Variants in CNGA3 observed in about 807,000 individuals in gnomAD.
The protein encoded by CNGA3 is cyclic nucleotide gated channel subunit alpha 3, also known as cyclic nucleotide-gated channel alpha-3.
CNGA3 carries 42 observed loss-of-function variants against 46.6 expected under a neutral mutation model. That is an observed-to-expected ratio of 0.90 (90% CI 0.70 to 1.17). The LOEUF (loss-of-function observed/expected upper bound fraction) is 1.17. Ranked by LOEUF, CNGA3 falls within the 50% of genes most tolerant of loss-of-function variation. The probability of loss-of-function intolerance (pLI) is 0.00; values close to 1 mark genes in which losing one functional copy is unlikely to be tolerated. For synonymous variants in CNGA3, 394 were observed against 369.4 expected (o/e 1.07, Z -0.76); for missense variants, 893 against 890.7 (o/e 1.00, Z -0.03).
At chr2:98,354,432 C>A (rs991718125) in intron 1 of CNGA3, among the ~76,000 whole-genome samples, 5 of 149,300 alleles carry the variant, frequency 3.3e-5, no homozygotes, top group South Asian at 4.2e-4. Flanking sequence ...CCTTTGCCTG[C>A]TTTTTAATTG....
intron 1 of CNGA3, among the ~76,000 whole-genome samples, chr2:98,346,757 A>T (rs969867260): frequency 1.3e-5 from 2 of 151,554 alleles, no homozygotes; most frequent in Non-Finnish European, 2.9e-5. Context: ...CTCGGCTCCC[A>T]CTCCCCGGCT....
chr2:98,396,831 A>G lies in CNGA3; in HGVS notation c.1661A>G (p.Asn554Ser), dbSNP rs769473325. 1 of 1,614,166 alleles carries G rather than the reference A, an allele frequency of 6.2e-7. No homozygotes were observed. Among genetic ancestry groups the G allele is most frequent in the Non-Finnish European group, 8.5e-7 (1 of 1,180,030 alleles). Residue 554 changes from asparagine (N) to serine (S), a missense_variant, in exon 8 of 8, where the codon AAC (asparagine) becomes AGC (serine). Physicochemically the swap from Asn to Ser is conservative, Grantham distance 46 (BLOSUM62 1). This residue lies in a region of CNGA3 where 548 missense variants were observed against 570.8 expected (regional missense o/e 0.96). Transcript: ENST00000272602. ...TACTTCGGGGAGATCAGCATTCTGA[A>G]CATCAAGGGGAGCAAGTCGGGGAAC... ...GSYFGEISIL[N>S]IKGSKSGNRR... is the part of the protein sequence containing the mutation.
At chr2:98,387,346 T>C (rs1692675910) in intron 5 of CNGA3, among the ~76,000 whole-genome samples, 1 of 152,138 alleles carries the variant, frequency 6.6e-6, no homozygotes, top group Admixed American at 6.5e-5. Context: ...TTTCAATGAG[T>C]GTTTAATTAG....
chr2:98,355,478 T>C (rs1272501056), intron 1 of CNGA3, among the ~76,000 whole-genome samples: 1 of 152,194 alleles, frequency 6.6e-6, no homozygotes, highest in Non-Finnish European at 1.5e-5. Flanking sequence ...TGAAGGACTT[T>C]TAATAATCAA....
chr2:98,380,611 C>T (rs1027539339), intron 4 of CNGA3, among the ~76,000 whole-genome samples: 2 of 152,136 alleles, frequency 1.3e-5, no homozygotes, highest in Non-Finnish European at 2.9e-5. Context: ...TCACCTTATC[C>T]TACACAGGGG....
In CNGA3 at chr2:98,398,442, C is replaced by T. The variant is rs1326796743; in HGVS notation, c.*1187C>T. ...GTCTTTCTTCTTTCTTTCCTTTTTC[C>T]TTTCTTCTTCCTTTCCTTTTTTCTT... is the stretch of plus-strand genomic sequence containing the variant. On this transcript the variant is annotated 3_prime_UTR_variant, in exon 8 of 8. Transcript: ENST00000272602. 1.3e-5 allele frequency: 2 copies of T among 151,834 alleles called. No homozygotes were observed. Among genetic ancestry groups the T allele is most frequent in the East Asian group, 3.8e-4 (2 of 5,198 alleles). 9.4% of individuals were successfully genotyped at this position (151,834 alleles called of 1,614,324 possible). A position where few individuals can be genotyped will look rare whatever the true frequency, so the allele number is the denominator to read the frequency against.
At chr2:98,369,082 G>A (rs1466160030) in intron 1 of CNGA3, among the ~76,000 whole-genome samples, 2 of 152,190 alleles carry the variant, frequency 1.3e-5, no homozygotes, top group East Asian at 3.8e-4. Flanking sequence ...TGGCTGTTGG[G>A]CTTTTAGTTG....
At chr2:98,392,005 GC>G in intron 7 of CNGA3, 35 bp downstream of exon 7, 1 of 1,578,834 alleles carries the variant, frequency 6.3e-7, no homozygotes. Context: ...GGGGACCATG[GC>G]CCCCACGGGA....
At chr2:98,385,164 C>G (rs1006726192) in intron 5 of CNGA3, among the ~76,000 whole-genome samples, 2 of 152,106 alleles carry the variant, frequency 1.3e-5, no homozygotes, top group African/African-American at 4.8e-5. Flanking sequence ...GGCCAAGGCC[C>G]GTAATCCAGG....
chr2:98,350,599 G>A (rs1691750144), intron 1 of CNGA3, among the ~76,000 whole-genome samples: 1 of 152,162 alleles, frequency 6.6e-6, no homozygotes, highest in Admixed American at 6.5e-5. Context: ...ACTCAGAGCT[G>A]AGGAACTCAG....
Position 98,369,947 on chromosome 2 carries a change from T to C in CNGA3, c.-29T>C, listed in dbSNP as rs772911177. ...TTGTGTTCACATTTTAGCAATCATCTGGGGGGCTAAATGTGACAAACCGAG... is the reference window on the plus strand; with the variant it reads ...TTGTGTTCACATTTTAGCAATCATCCGGGGGGCTAAATGTGACAAACCGAG... On this transcript the variant is annotated 5_prime_UTR_variant, in exon 2 of 8. Coordinates refer to ENST00000272602, the MANE Select transcript of CNGA3 (RefSeq NM_001298.3). The C allele has an allele frequency of 5.1e-6, 8 of 1,575,684 alleles. No homozygotes were observed. In the East Asian group the frequency reaches 1.6e-4, roughly 31 times the overall value.
At chr2:98,356,748 AAACT>A (rs1186996169) in intron 1 of CNGA3, among the ~76,000 whole-genome samples, 1 of 152,246 alleles carries the variant, frequency 6.6e-6, no homozygotes, top group African/African-American at 2.4e-5. Flanking sequence ...GAGAACAAAC[AAACT>A]GAGTGTAAAT....
chr2:98,388,014 T>C lies in CNGA3; in HGVS notation c.450-1644T>C, dbSNP rs1375222564. Among the ~76,000 whole-genome samples, 3 of 152,180 alleles carry C rather than the reference T, an allele frequency of 2.0e-5. No homozygotes were observed. The East Asian group carries it at 5.8e-4, about 29-fold the overall frequency. ...AAAATAGATCAGAAATTGTAGAACA[T>C]TAGACTGAGCCACTAATTTCTCAAT... is the stretch of plus-strand genomic sequence containing the variant. On this transcript the variant is annotated intron_variant, in intron 5 of 7. Coordinates refer to ENST00000272602, the MANE Select transcript of CNGA3 (RefSeq NM_001298.3).
At chr2:98,365,177 C>A (rs894457285) in intron 1 of CNGA3, among the ~76,000 whole-genome samples, 1 of 151,988 alleles carries the variant, frequency 6.6e-6, no homozygotes, top group Non-Finnish European at 1.5e-5. Flanking sequence ...TCCAGTGGCT[C>A]GCTCCTATAA....
At chr2:98,371,679 G>A (rs898599724) in intron 2 of CNGA3, among the ~76,000 whole-genome samples, 4 of 152,330 alleles carry the variant, frequency 2.6e-5, no homozygotes, top group African/African-American at 2.4e-5. Context: ...CAATGCCTGC[G>A]TCGCACCACT....
At chr2:98,386,703 G>A (rs1014676350) in intron 5 of CNGA3, among the ~76,000 whole-genome samples, 3 of 152,214 alleles carry the variant, frequency 2.0e-5, no homozygotes, top group Admixed American at 6.5e-5. Context: ...GCAGAAGAGT[G>A]GGTCAGAGAA....
intron 5 of CNGA3, among the ~76,000 whole-genome samples, chr2:98,388,872 C>T (rs1692719605): frequency 6.6e-6 from 1 of 152,322 alleles, no homozygotes; most frequent in Non-Finnish European, 1.5e-5. Flanking sequence ...TCACTGGGGT[C>T]TCCGATGGAG....
chr2:98,391,187 T>C (rs989370919), intron 6 of CNGA3, among the ~76,000 whole-genome samples: 1 of 152,232 alleles, frequency 6.6e-6, no homozygotes, highest in Non-Finnish European at 1.5e-5. Flanking sequence ...TTCGGAGGGA[T>C]TGCGGGGCAG....
At chr2:98,378,046 G>A (rs748286931) in intron 3 of CNGA3, 202 of 1,548,976 alleles carry the variant, frequency 1.3e-4, no homozygotes, top group Non-Finnish European at 1.6e-4. Context: ...TGACATTGAG[G>A]TACTTGCTCA....
Sources: gnomAD v4.1 joint callset for allele counts (sites outside exome capture counted in the v4.1 genomes callset) on GRCh38, gnomAD v4.1.1 for gene constraint, gnomAD v4.1.1 regional missense constraint, MANE v1.5 for transcripts, NCBI Gene and HGNC (gene_info 2026-07-23, HGNC 2026-07-21) for gene names.